The following COL28A1 variants were observed in gnomAD, a reference collection of about 807,000 sequenced individuals.
COL28A1 encodes the protein collagen type XXVIII alpha 1 chain, also known as collagen alpha-1(XXVIII) chain.
A neutral mutation model predicts 150.2 loss-of-function variants in COL28A1; 161 were observed. That is an observed-to-expected ratio of 1.07 (90% CI 0.94 to 1.22). COL28A1 has a LOEUF of 1.22. Ranked by LOEUF, COL28A1 falls within the 50% of genes most tolerant of loss-of-function variation. The pLI is 0.00. For missense variants in COL28A1, 1,617 were observed against 1,388.3 expected, an observed-to-expected ratio of 1.16 and a Z score of -2.62; for synonymous variants, 552 against 469.7, an observed-to-expected ratio of 1.18 and a Z score of -2.26.
intron 23 of COL28A1, among the ~76,000 whole-genome samples, chr7:7,435,785 T>C (rs1785298168): frequency 6.6e-6 from 1 of 152,154 alleles, no homozygotes. Context: ...CAACATGCTA[T>C]TGATTTTAAA....
At chr7:7,477,758 C>A (rs1009853290) in intron 13 of COL28A1, among the ~76,000 whole-genome samples, 1 of 152,182 alleles carries the variant, frequency 6.6e-6, no homozygotes, top group Non-Finnish European at 1.5e-5. Flanking sequence ...AAGAACAAAG[C>A]TTCCACGGTA....
intron 15 of COL28A1, among the ~76,000 whole-genome samples, chr7:7,464,716 G>C (rs1215169920): frequency 6.6e-6 from 1 of 152,188 alleles, no homozygotes; most frequent in African/African-American, 2.4e-5. Flanking sequence ...AAGTCTGAAA[G>C]AGCACAAACA....
chr7:7,429,997 C>T (rs1487459154), intron 25 of COL28A1, among the ~76,000 whole-genome samples: 1 of 152,104 alleles, frequency 6.6e-6, no homozygotes, highest in East Asian at 1.9e-4. Context: ...ACCTTTTTCC[C>T]CCTAAAATGT....
chr7:7,395,381 A>G (rs1782779424), intron 27 of COL28A1, among the ~76,000 whole-genome samples: 1 of 152,192 alleles, frequency 6.6e-6, no homozygotes, highest in African/African-American at 2.4e-5. Context: ...TTCACCTTTT[A>G]ATCTTTCATC....
At chr7:7,511,871 T>G in intron 8 of COL28A1, 1 of 465,318 alleles carries the variant, frequency 2.1e-6, no homozygotes, top group Non-Finnish European at 4.5e-6. Flanking sequence ...TGAGTTATTC[T>G]TTAGAGTTTA....
chr7:7,431,469 CG>C (rs922108239), intron 25 of COL28A1: 4 of 466,756 alleles, frequency 8.6e-6, no homozygotes, highest in East Asian at 1.4e-4. Context: ...TATGGGTGGT[CG>C]GGGAGGTGAC....
chr7:7,542,859 T>G, the COL28A1 span, among the ~76,000 whole-genome samples: 1 of 152,056 alleles, frequency 6.6e-6, no homozygotes, highest in Non-Finnish European at 1.5e-5. Flanking sequence ...GCAATGAGAA[T>G]GCAAAGTGAA....
the COL28A1 span, among the ~76,000 whole-genome samples, chr7:7,543,425 C>T: frequency 6.6e-6 from 1 of 152,126 alleles, no homozygotes; most frequent in Admixed American, 6.5e-5. Flanking sequence ...ATAAAATACA[C>T]TTTTGAGTTT....
At chr7:7,448,170 T>C (rs1261041799) in intron 18 of COL28A1, among the ~76,000 whole-genome samples, 2 of 152,272 alleles carry the variant, frequency 1.3e-5, no homozygotes, top group Middle Eastern at 6.8e-3. Context: ...ATGAAAACTA[T>C]AACTCATAGA....
At chr7:7,365,542 A>G (rs531772021) in intron 33 of COL28A1, among the ~76,000 whole-genome samples, 1 of 152,322 alleles carries the variant, frequency 6.6e-6, no homozygotes, top group South Asian at 2.1e-4. Context: ...AAGAACATGT[A>G]TGCATGAGCT....
At chr7:7,408,466 G>C (rs906958972) in intron 27 of COL28A1, among the ~76,000 whole-genome samples, 1 of 152,156 alleles carries the variant, frequency 6.6e-6, no homozygotes, top group African/African-American at 2.4e-5. Flanking sequence ...TAAGGTGTTT[G>C]TAAGAGCAAT....
chr7:7,403,792 T>C (rs1215377505), intron 27 of COL28A1, among the ~76,000 whole-genome samples: 1 of 152,222 alleles, frequency 6.6e-6, no homozygotes, highest in Non-Finnish European at 1.5e-5. Context: ...CAGTTTTGTA[T>C]GGTTCAATAG....
At chr7:7,344,654 A>T in the COL28A1 span, among the ~76,000 whole-genome samples, 1 of 152,106 alleles carries the variant, frequency 6.6e-6, no homozygotes, top group Non-Finnish European at 1.5e-5. Flanking sequence ...AAGAAAAGTA[A>T]GAGAATTTTT....
chr7:7,381,477 C>A (rs1447712273), intron 28 of COL28A1, 67 bp downstream of exon 28: 11 of 1,151,408 alleles, frequency 9.6e-6, no homozygotes, highest in Non-Finnish European at 1.4e-5. Context: ...GAGAGTTCTT[C>A]CAAAGTTAAA....
chr7:7,418,476 G>C (rs1784223969), intron 26 of COL28A1, among the ~76,000 whole-genome samples: 1 of 152,180 alleles, frequency 6.6e-6, no homozygotes, highest in Non-Finnish European at 1.5e-5. Context: ...GAAACACTTC[G>C]TGGTGGAATA....
At chr7:7,388,224 C>A (rs936707777) in intron 27 of COL28A1, among the ~76,000 whole-genome samples, 5 of 151,896 alleles carry the variant, frequency 3.3e-5, no homozygotes, top group African/African-American at 1.2e-4. Context: ...CATGTGTTCT[C>A]ATTTTTCAAC....
Position 7,359,523 on chromosome 7 carries a change from G to T in COL28A1, c.3206-718C>A, listed in dbSNP as rs114572545. ...CTCATTTGCTAAATCCCTTTTTATT[G>T]TTTGGTACTCTGGAGTGCCTTGATT... On this transcript the variant is annotated intron_variant, in intron 34 of 34. Transcript: ENST00000399429. Among the ~76,000 whole-genome samples the T allele has an allele frequency of 5.3e-5, 8 of 152,156 alleles. No homozygotes were observed. The East Asian group carries it at 1.3e-3, about 26-fold the overall frequency.
downstream of COL28A1, among the ~76,000 whole-genome samples, chr7:7,357,476 T>G (rs1455064537): frequency 1.3e-5 from 2 of 151,946 alleles, no homozygotes; most frequent in Non-Finnish European, 2.9e-5. Context: ...CTGACCAACA[T>G]GGTGAAACTT....
Position 7,490,662 on chromosome 7 carries a change from G to A in COL28A1, c.1027-16C>T, listed in dbSNP as rs1779867120. ...CTGGCTCACCCTGGAGGAAGAAATA[G>A]TGACATCAGTTATATGTTAGGTCGA... On this transcript the variant is annotated splice_polypyrimidine_tract_variant and intron_variant, in intron 11 of 34. Transcript: ENST00000399429. 9.5e-7 allele frequency: 1 copy of A among 1,056,664 alleles called. No homozygotes were observed. The highest frequency in any genetic ancestry group is 1.5e-6 in the Non-Finnish European group (1 of 673,140). The allele number at this position is 1,056,664 out of a possible 1,614,324, so 65.5% of individuals were successfully genotyped here.
Sources: gnomAD v4.1 joint callset for allele counts (sites outside exome capture counted in the v4.1 genomes callset) on GRCh38, gnomAD v4.1.1 for gene constraint, MANE v1.5 for transcripts, NCBI Gene and HGNC (gene_info 2026-07-23, HGNC 2026-07-21) for gene names.